The following DNAJC24 variants were observed in gnomAD, a reference collection of about 807,000 sequenced individuals.
DNAJC24 encodes the protein DnaJ heat shock protein family (Hsp40) member C24.
Under a neutral mutation model 18.0 loss-of-function variants are expected in DNAJC24, and 17 were observed. The ratio of observed to expected loss-of-function variants is 0.94; its 90% confidence interval spans 0.65 to 1.42. DNAJC24 has a LOEUF of 1.42. Ranked by LOEUF, DNAJC24 falls within the 40% of genes most tolerant of loss-of-function variation. The probability of loss-of-function intolerance (pLI) is 0.00; values close to 1 mark genes in which losing one functional copy is unlikely to be tolerated. For missense variants in DNAJC24, 158 were observed against 175.6 expected (o/e 0.90, Z 0.57); for synonymous variants, 55 against 57.7 (o/e 0.95, Z 0.21).
intron 2 of DNAJC24, among the ~76,000 whole-genome samples, chr11:31,411,754 G>A (rs1160057149): frequency 1.3e-5 from 2 of 152,118 alleles, no homozygotes; most frequent in African/African-American, 4.8e-5. Context: ...CCCATTTCAT[G>A]AACTACAACG....
intron 2 of DNAJC24, among the ~76,000 whole-genome samples, chr11:31,380,449 C>T (rs1290411889): frequency 2.0e-5 from 3 of 152,056 alleles, no homozygotes; most frequent in East Asian, 1.9e-4. Flanking sequence ...TATGATTTGG[C>T]GTATGTTATT....
chr11:31,370,299 CT>C (rs1481559912), intron 1 of DNAJC24, among the ~76,000 whole-genome samples: 13 of 151,978 alleles, frequency 8.6e-5, no homozygotes, highest in African/African-American at 1.7e-4. Flanking sequence ...TATTTTAATT[CT>C]TTGATGTTCT....
intron 2 of DNAJC24, among the ~76,000 whole-genome samples, chr11:31,404,254 G>T (rs1175392693): frequency 1.3e-5 from 2 of 152,156 alleles, no homozygotes; most frequent in Non-Finnish European, 2.9e-5. Flanking sequence ...TGGGAATGCA[G>T]CCCAGTAGGT....
chr11:31,405,891 G>A (rs570298374), intron 2 of DNAJC24, among the ~76,000 whole-genome samples: 2 of 152,290 alleles, frequency 1.3e-5, no homozygotes, highest in African/African-American at 2.4e-5. Context: ...AAACTCAAGC[G>A]CCTGCTACAT....
intron 2 of DNAJC24, among the ~76,000 whole-genome samples, chr11:31,389,143 G>A (rs556269751): frequency 6.6e-6 from 1 of 152,020 alleles, no homozygotes; most frequent in East Asian, 1.9e-4. Context: ...AAAATGGCAG[G>A]AGTAAGTCCT....
Position 31,432,568 on chromosome 11 carries a change from T to A in DNAJC24, c.*2167T>A. The A allele has an allele frequency of 6.2e-7, 1 of 1,608,136 alleles. No individual in the cohort carries two copies. The highest frequency in any genetic ancestry group is 8.5e-7 in the Non-Finnish European group (1 of 1,174,720). ...AATCCAAAATCACTCAGAGGCCAAA[T>A]CTGTAAAATCAAAATGAGGTTGAAG... On this transcript the variant is annotated 3_prime_UTR_variant, in exon 5 of 5. Transcript: ENST00000465995.
intron 4 of DNAJC24, chr11:31,429,426 TAATC>T (rs972111365): frequency 4.4e-5 from 16 of 360,928 alleles, no homozygotes; most frequent in African/African-American, 2.9e-4. Flanking sequence ...ATTTATGTAA[TAATC>T]AATTATAATG....
intron 2 of DNAJC24, among the ~76,000 whole-genome samples, chr11:31,378,462 C>T (rs1013693557): frequency 6.6e-6 from 1 of 152,260 alleles, no homozygotes; most frequent in Middle Eastern, 3.4e-3. Context: ...ATCAGATACT[C>T]TTGTAATCAC....
intron 3 of DNAJC24, chr11:31,422,051 C>G (rs1677473976): frequency 2.5e-6 from 1 of 393,306 alleles, no homozygotes; most frequent in African/African-American, 2.1e-5. Flanking sequence ...AGAATTCTTT[C>G]ACCTCTTGTT....
rs753624685 is a variant in DNAJC24 at position 31,370,757 on chromosome 11, G to A, written c.9G>A (p.Ala3=). The change falls in exon 2 of 5, where the codon GCG becomes GCA. Residue 3 remains alanine, a synonymous_variant. Transcript: ENST00000465995. MM[A]VEQMPKKDWY... is the part of the protein sequence containing the mutation. ...CACTTCTGGTTCCATGGATGATGGC[G>A]GTTGAGCAGATGCCAAAAAAGGATT... is the stretch of plus-strand genomic sequence containing the variant. 5.4e-5 allele frequency: 86 copies of A among 1,607,148 alleles called. No individual in the cohort carries two copies. Among genetic ancestry groups the A allele is most frequent in the Non-Finnish European group, 7.1e-5 (83 of 1,177,220 alleles).
Position 31,432,616 on chromosome 11 carries a change from T to C in DNAJC24, c.*2215T>C, listed in dbSNP as rs767900311. 4 of 1,229,690 alleles carry C rather than the reference T, an allele frequency of 3.3e-6. No individual in the cohort carries two copies. Among genetic ancestry groups the C allele is most frequent in the African/African-American group, 3.0e-5 (2 of 67,558 alleles). 76.2% of individuals were successfully genotyped at this position (1,229,690 alleles called of 1,614,324 possible). ...AAGACAATTAGTGAAAGTAATGTTA[T>C]AGTATCATCATATTCCCTTTTGCTA... is the stretch of plus-strand genomic sequence containing the variant. On this transcript the variant is annotated 3_prime_UTR_variant, in exon 5 of 5. Coordinates refer to ENST00000465995, the MANE Select transcript of DNAJC24 (RefSeq NM_181706.5).
chr11:31,394,066 C>T (rs149308934), intron 2 of DNAJC24, among the ~76,000 whole-genome samples: 2,031 of 152,280 alleles, frequency 0.013, 26 homozygotes, highest in Non-Finnish European at 0.022. Flanking sequence ...GCCAACAGCA[C>T]TGTAACTCAT....
chr11:31,432,534 G>A lies in DNAJC24; in HGVS notation c.*2133G>A, dbSNP rs746719726. ...AGAAAATCTGTGGCCATTAGGGCTG[G>A]CACGTAAAAATCCAAAATCACTCAG... On this transcript the variant is annotated 3_prime_UTR_variant, in exon 5 of 5. Transcript: ENST00000465995. 3.7e-6 allele frequency: 6 copies of A among 1,613,000 alleles called. No individual in the cohort carries two copies. The African/African-American group carries it at 6.7e-5, about 18-fold the overall frequency.
intron 3 of DNAJC24, among the ~76,000 whole-genome samples, chr11:31,425,707 T>G (rs1952854372): frequency 6.6e-6 from 1 of 152,168 alleles, no homozygotes; most frequent in African/African-American, 2.4e-5. Flanking sequence ...AAAAGCCCTA[T>G]GTCCAAGAAC....
chr11:31,403,947 C>T (rs761443194), intron 2 of DNAJC24, among the ~76,000 whole-genome samples: 5 of 152,116 alleles, frequency 3.3e-5, no homozygotes, highest in Non-Finnish European at 5.9e-5. Context: ...TGTTGGTTGC[C>T]CATTTTTATG....
In DNAJC24 at chr11:31,370,829, A is replaced by G; in HGVS notation, c.81A>G (p.Leu27=). 1 of 1,610,088 alleles carries G rather than the reference A, an allele frequency of 6.2e-7. No homozygotes were observed. The highest frequency in any genetic ancestry group is 2.2e-5 in the East Asian group (1 of 44,742). Residue 27 remains leucine, a synonymous_variant, in exon 2 of 5, where the codon CTA becomes CTG. Transcript: ENST00000465995. The stretch of plus-strand genomic sequence containing the variant: ...ACCCATCTGCAAATATATCAGACCT[A>G]AAACAAAAATATCAAAAACTCATAT... The part of the protein sequence containing the change: ...GADPSANISD[L]KQKYQKLILM...
intron 2 of DNAJC24, among the ~76,000 whole-genome samples, chr11:31,392,126 A>G (rs1952502648): frequency 6.6e-6 from 1 of 152,196 alleles, no homozygotes; most frequent in South Asian, 2.1e-4. Context: ...GGGAGAGGGC[A>G]GTGGAGATGG....
intron 2 of DNAJC24, among the ~76,000 whole-genome samples, chr11:31,388,289 C>A (rs1213793702): frequency 6.6e-6 from 1 of 152,028 alleles, no homozygotes; most frequent in African/African-American, 2.4e-5. Context: ...GCAGATTTAA[C>A]CGAAATAAGA....
At chr11:31,407,697 A>AT (rs1426877137) in intron 2 of DNAJC24, among the ~76,000 whole-genome samples, 110 of 122,604 alleles carry the variant, frequency 9.0e-4, no homozygotes, top group South Asian at 2.3e-3. Flanking sequence ...AAAAAAAAAA[A>AT]AAAAAAAAAA....
Sources: allele counts gnomAD v4.1 joint callset (sites outside exome capture counted in the v4.1 genomes callset), GRCh38; gene constraint gnomAD v4.1.1; transcripts MANE v1.5; gene names NCBI Gene and HGNC (gene_info 2026-07-23, HGNC 2026-07-21).